DLGAP1: variants seen among roughly 807,000 people sequenced by gnomAD.
DLGAP1 encodes the protein disks large-associated protein 1.
DLGAP1 carries 11 observed loss-of-function variants against 90.8 expected under a neutral mutation model. That is an observed-to-expected ratio of 0.12 (90% CI 0.08 to 0.20). The LOEUF (loss-of-function observed/expected upper bound fraction) is 0.20. Among genes scored for constraint, DLGAP1 ranks in the 10% least tolerant of loss-of-function variants. The pLI is 1.00. For synonymous variants in DLGAP1, 558 were observed against 540.7 expected (o/e 1.03, Z -0.44); for missense variants, 1,050 against 1,333.8 (o/e 0.79, Z 3.31).
At chr18:4,363,517 G>A (rs1314977583) in intron 1 of DLGAP1, among the ~76,000 whole-genome samples, 9 of 152,084 alleles carry the variant, frequency 5.9e-5, no homozygotes, top group Admixed American at 5.9e-4. Context: ...CTGACAAAGG[G>A]CTAATATCCA....
intron 1 of DLGAP1, among the ~76,000 whole-genome samples, chr18:4,287,196 G>C (rs2079720518): frequency 6.6e-6 from 1 of 152,086 alleles, no homozygotes. Context: ...TAAATGATTT[G>C]TTATCAAAAG....
At chr18:3,834,729 G>A (rs59372448) in intron 4 of DLGAP1, among the ~76,000 whole-genome samples, 21,627 of 152,164 alleles carry the variant, frequency 0.14, 1,663 homozygotes, top group South Asian at 0.25. Context: ...CGGTGGGGGA[G>A]GGAGCTTTTA....
At chr18:4,367,091 G>A (rs1195427782) in intron 1 of DLGAP1, among the ~76,000 whole-genome samples, 3 of 140,430 alleles carry the variant, frequency 2.1e-5, no homozygotes, top group African/African-American at 7.8e-5. Flanking sequence ...TGCTAATTTA[G>A]TACACTGGCA....
At chr18:3,556,982 A>G (rs778283165) in intron 9 of DLGAP1, among the ~76,000 whole-genome samples, 23 of 152,102 alleles carry the variant, frequency 1.5e-4, no homozygotes, top group South Asian at 4.2e-4. Context: ...ATTTTTTCAG[A>G]GTCAGGTTTT....
intron 3 of DLGAP1, among the ~76,000 whole-genome samples, chr18:4,002,050 G>T (rs1389705388): frequency 1.3e-5 from 2 of 151,352 alleles, no homozygotes; most frequent in African/African-American, 2.4e-5. Flanking sequence ...TGGTTTATAG[G>T]GATGTGTTTT....
intron 2 of DLGAP1, among the ~76,000 whole-genome samples, chr18:4,087,105 T>TATACACACACAC (rs2075697875): frequency 1.0e-5 from 1 of 95,850 alleles, no homozygotes; most frequent in Non-Finnish European, 2.3e-5. Flanking sequence ...ATATATGTGC[T>TATACACACACAC]ATATATATAT....
chr18:3,617,314 G>T (rs1489157583), intron 7 of DLGAP1, among the ~76,000 whole-genome samples: 18 of 152,106 alleles, frequency 1.2e-4, no homozygotes, highest in Admixed American at 1.2e-3. Context: ...AAAAAATACT[G>T]CTGGCTGGGG....
chr18:3,971,008 A>G (rs575737440), intron 3 of DLGAP1, among the ~76,000 whole-genome samples: 19 of 152,260 alleles, frequency 1.2e-4, no homozygotes, highest in Middle Eastern at 3.4e-3. Context: ...TCAAGCATTG[A>G]GACAGCTGGA....
chr18:4,326,189 G>A (rs1195262430), intron 1 of DLGAP1, among the ~76,000 whole-genome samples: 1 of 151,736 alleles, frequency 6.6e-6, no homozygotes, highest in Non-Finnish European at 1.5e-5. Flanking sequence ...AGTGGACAAA[G>A]AATATGAACA....
intron 7 of DLGAP1, among the ~76,000 whole-genome samples, chr18:3,724,681 G>A (rs769745152): frequency 5.3e-5 from 8 of 152,068 alleles, no homozygotes; most frequent in South Asian, 2.1e-4. Context: ...AGGTTGCAGT[G>A]AGCCATGATT....
chr18:3,543,410 C>T (rs983913380), intron 9 of DLGAP1, among the ~76,000 whole-genome samples: 2 of 152,058 alleles, frequency 1.3e-5, no homozygotes, highest in African/African-American at 2.4e-5. Context: ...CGTGATCCAC[C>T]CACCTCGGCC....
intron 3 of DLGAP1, among the ~76,000 whole-genome samples, chr18:3,892,475 C>T (rs1056950594): frequency 1.3e-5 from 2 of 152,188 alleles, no homozygotes. Flanking sequence ...ATTCTCTATA[C>T]AAATTCTTAT....
chr18:3,870,231 T>C (rs1412796318), intron 4 of DLGAP1, among the ~76,000 whole-genome samples: 1 of 152,198 alleles, frequency 6.6e-6, no homozygotes, highest in African/African-American at 2.4e-5. Flanking sequence ...CTCAAGGTGA[T>C]TCTTGTGCAC....
chr18:4,136,068 G>A (rs748797418), intron 2 of DLGAP1, among the ~76,000 whole-genome samples: 3 of 150,506 alleles, frequency 2.0e-5, no homozygotes, highest in Non-Finnish European at 4.4e-5. Context: ...ATCCTGTGTC[G>A]AAGTGTTCTC....
At chr18:4,197,187 G>GAAAAAAAAAA (rs2077514309) in intron 1 of DLGAP1, among the ~76,000 whole-genome samples, 6 of 29,798 alleles carry the variant, frequency 2.0e-4, no homozygotes, top group South Asian at 6.9e-4. Context: ...TTAAAAAAAA[G>GAAAAAAAAAA]TAAAAAAAAA....
chr18:4,452,937 T>A (rs1008655587), intron 1 of DLGAP1, among the ~76,000 whole-genome samples: 1 of 152,192 alleles, frequency 6.6e-6, no homozygotes, highest in Non-Finnish European at 1.5e-5. Context: ...CCTGTAATGT[T>A]TGAGATAAAG....
At chr18:3,657,666 G>A (rs999921892) in intron 7 of DLGAP1, among the ~76,000 whole-genome samples, 5 of 148,926 alleles carry the variant, frequency 3.4e-5, no homozygotes, top group East Asian at 2.0e-4. Context: ...GCAGTGGCGC[G>A]ATCTCGGCTC....
chr18:3,561,103 T>C (rs2054064860), intron 9 of DLGAP1, among the ~76,000 whole-genome samples: 1 of 150,460 alleles, frequency 6.6e-6, no homozygotes, highest in Non-Finnish European at 1.5e-5. Context: ...AACAAACTTA[T>C]CTGTTAGATC....
intron 11 of DLGAP1, among the ~76,000 whole-genome samples, chr18:3,506,926 T>C (rs971554747): frequency 1.3e-5 from 2 of 152,122 alleles, no homozygotes; most frequent in African/African-American, 2.4e-5. Context: ...TTTACTAATA[T>C]AAATGATCTC....
Sources: gnomAD v4.1 joint callset for allele counts (sites outside exome capture counted in the v4.1 genomes callset) on GRCh38, gnomAD v4.1.1 for gene constraint, MANE v1.5 for transcripts, NCBI Gene and HGNC (gene_info 2026-07-23, HGNC 2026-07-21) for gene names.